The following RP1L1 variants were observed in gnomAD, a reference collection of about 807,000 sequenced individuals.
RP1L1 encodes retinitis pigmentosa 1-like 1 protein.
In RP1L1, 27 loss-of-function variants were observed where a neutral mutation model predicts 15.7. The observed-to-expected ratio is 1.72, with a 90% CI of 1.27 to 2.38. The LOEUF is 2.38. Among genes scored for constraint, RP1L1 ranks in the 30% most tolerant of loss-of-function variants. RP1L1 has a pLI of 0.00. For synonymous variants in RP1L1, 1,813 were observed against 1,276.7 expected, an observed-to-expected ratio of 1.42 and a Z score of -8.96; for missense variants, 4,798 against 3,075.9, an observed-to-expected ratio of 1.56 and a Z score of -13.24.
intron 1 of RP1L1, among the ~76,000 whole-genome samples, chr8:10,625,956 T>A (rs1480032806): frequency 1.3e-5 from 2 of 149,808 alleles, no homozygotes; most frequent in Non-Finnish European, 3.0e-5. Context: ...GCCGGGGATT[T>A]TGGGAGGAAG....
At chr8:10,653,616 T>A (rs1798595054) in intron 1 of RP1L1, among the ~76,000 whole-genome samples, 1 of 150,974 alleles carries the variant, frequency 6.6e-6, no homozygotes, top group South Asian at 2.1e-4. Flanking sequence ...CACACGCACC[T>A]GTACAAACAT....
Position 10,610,969 on chromosome 8 carries a change from G to A in RP1L1, c.3129C>T (p.Pro1043=). 4 of 1,612,318 alleles carry A rather than the reference G, an allele frequency of 2.5e-6. No individual in the cohort carries two copies. Among genetic ancestry groups the A allele is most frequent in the East Asian group, 4.5e-5 (2 of 44,844 alleles). The change falls in exon 4 of 4, where the codon CCC becomes CCT. Residue 1043 remains proline, a synonymous_variant. Transcript: ENST00000382483. The part of the protein sequence containing the change: ...DTGPQSGEGV[P]QGAAPEGVSE... ...AAACTCCCTCTGGAGCTGCCCCTTG[G>A]GGGACACCCTCTCCTGATTGGGGAC...
chr8:10,652,670 GA>G (rs1187088621), intron 1 of RP1L1, among the ~76,000 whole-genome samples: 88 of 144,470 alleles, frequency 6.1e-4, no homozygotes, highest in East Asian at 2.4e-3. Flanking sequence ...CTGTATTGAA[GA>G]AAAAAAAAAA....
rs1346389036 is a variant in RP1L1, at chr8:10,607,038, C to T, written c.7060G>A (p.Glu2354Lys). The T allele has an allele frequency of 1.2e-6, 2 of 1,614,124 alleles. No homozygotes were observed. The highest frequency in any genetic ancestry group is 1.7e-6 in the Non-Finnish European group (2 of 1,180,050). Residue 2354 changes from glutamate to lysine, a missense_variant, in exon 4 of 4, where the codon GAG (glutamate) becomes AAG (lysine). Coordinates refer to ENST00000382483, the MANE Select transcript of RP1L1 (RefSeq NM_178857.6). Reference sequence around the variant, plus strand: ...GGAGTCCTTGAGCCCAAAGGGGCCTCTTCTTGCTCAGAAGTAGAACTTTCT... The same window carrying T: ...GGAGTCCTTGAGCCCAAAGGGGCCTTTTCTTGCTCAGAAGTAGAACTTTCT... ...YPESSTSEQE[E>K]APLGSRTPEQ...
intron 1 of RP1L1, among the ~76,000 whole-genome samples, chr8:10,652,131 T>C (rs938247962): frequency 6.6e-6 from 1 of 152,182 alleles, no homozygotes; most frequent in African/African-American, 2.4e-5. Context: ...AAGTATACTC[T>C]ATGATCGCAT....
rs866294200 is a variant in RP1L1, at chr8:10,621,882, C to G, written c.609+711G>C. 27 of 424,160 alleles carry G rather than the reference C, an allele frequency of 6.4e-5. No homozygotes were observed. The Middle Eastern group carries it at 3.7e-3, about 57-fold the overall frequency. The allele number at this position is 424,160 out of a possible 1,614,324, so 26.3% of individuals were successfully genotyped here. ...ATGCTGGGAGCCATTCCTGCAGACC[C>G]AGCTTCCAATTCACTCTCTGGCTTC... On this transcript the variant is annotated intron_variant, in intron 2 of 3. Coordinates refer to ENST00000382483, the MANE Select transcript of RP1L1 (RefSeq NM_178857.6).
chr8:10,633,433 C>A (rs1006566123), intron 1 of RP1L1, among the ~76,000 whole-genome samples: 4 of 152,098 alleles, frequency 2.6e-5, no homozygotes, highest in African/African-American at 9.7e-5. Context: ...TGTAATAAGC[C>A]CAAACCCCAA....
chr8:10,634,267 A>G (rs1798297273), intron 1 of RP1L1, among the ~76,000 whole-genome samples: 1 of 152,156 alleles, frequency 6.6e-6, no homozygotes, highest in Non-Finnish European at 1.5e-5. Flanking sequence ...CCTCTTCTGC[A>G]AACAGTTCTG....
rs779037412 is a variant in RP1L1, at chr8:10,612,699, G to A, written c.1399C>T (p.Pro467Ser). 1.9e-6 allele frequency: 3 copies of A among 1,603,720 alleles called. No homozygotes were observed. Among genetic ancestry groups the A allele is most frequent in the Non-Finnish European group, 2.5e-6 (3 of 1,178,490 alleles). Residue 467 changes from proline to serine, a missense_variant, in exon 4 of 4, where the codon CCA becomes TCA. Coordinates refer to ENST00000382483, the MANE Select transcript of RP1L1 (RefSeq NM_178857.6). ...SSTGLPEGSE[P>S]ESSCCPRTPE... ...GTCCTGGGGCAGCAGGAGGACTCTGGCTCCGAGCCCTCGGGGAGGCCGGTG... is the reference window on the plus strand; with the variant it reads ...GTCCTGGGGCAGCAGGAGGACTCTGACTCCGAGCCCTCGGGGAGGCCGGTG...
intron 1 of RP1L1, among the ~76,000 whole-genome samples, chr8:10,651,712 A>G (rs1475752732): frequency 1.3e-5 from 2 of 149,660 alleles, no homozygotes; most frequent in Non-Finnish European, 3.0e-5. Context: ...AGCCGAGATC[A>G]CGCCTCTGCA....
Position 10,606,397 on chromosome 8 carries a change from T to C in RP1L1, c.*498A>G, listed in dbSNP as rs779467225. On this transcript the variant is annotated 3_prime_UTR_variant, in exon 4 of 4. Transcript: ENST00000382483. ...TCCAATGACTCTGAAGTTACCTGCTTTGCCCAAGTATTTCTGCAGAGTCAT... is the reference window on the plus strand; with the variant it reads ...TCCAATGACTCTGAAGTTACCTGCTCTGCCCAAGTATTTCTGCAGAGTCAT... 6.4e-6 allele frequency: 1 copy of C among 155,164 alleles called. No homozygotes were observed. The highest frequency in any genetic ancestry group is 1.4e-5 in the Non-Finnish European group (1 of 69,990). The allele number at this position is 155,164 out of a possible 1,614,324, so 9.6% of individuals were successfully genotyped here.
intron 2 of RP1L1, chr8:10,621,488 G>C (rs752403084): frequency 6.3e-6 from 2 of 319,788 alleles, no homozygotes; most frequent in Non-Finnish European, 1.2e-5. Context: ...AACACACCTG[G>C]CTAATTTTTG....
rs181134421 is a variant in RP1L1 at position 10,619,875 on chromosome 8, C to T, written c.609+2718G>A. ...CTCGGGGAGGCTGAGGCAGAAGAAT[C>T]GCTTGAACCTAGGGGGCAGAGGTTG... On this transcript the variant is annotated intron_variant, in intron 2 of 3. Coordinates refer to ENST00000382483, the MANE Select transcript of RP1L1 (RefSeq NM_178857.6). Among the ~76,000 whole-genome samples, 1,219 of 150,234 alleles carry T rather than the reference C, an allele frequency of 8.1e-3. 9 individuals are homozygous for T. The highest frequency in any genetic ancestry group is 0.013 in the Non-Finnish European group (902 of 67,754).
At position 10,606,997 on chromosome 8, in the gene RP1L1, ACTGGCCCC is replaced by A. The variant is rs1258298144; in HGVS notation, c.7093_7100del (p.Gly2365Ter). The A allele has an allele frequency of 6.2e-7, 1 of 1,614,164 alleles. No individual in the cohort carries two copies. Among genetic ancestry groups the A allele is most frequent in the Admixed American group, 1.7e-5 (1 of 60,030 alleles). On this transcript the variant is annotated frameshift_variant, in exon 4 of 4. Transcript: ENST00000382483. LOFTEE classifies it low-confidence loss of function (END_TRUNC). ...GGTCCTCTTGTAGGTCATAACCTTC[ACTGGCCCC>A]CTGCTCTGGAGTCCTTGAGCCCAAA... is the stretch of plus-strand genomic sequence containing the variant.
At position 10,612,328 on chromosome 8, in the gene RP1L1, C is replaced by G; in HGVS notation, c.1770G>C (p.Gln590His). ...CGGTGCCCTGTCCTTGCGTCTCTGC[C>G]TGCAGGTCGTCACTCCTTAAAGATG... ...SLSSLRSDDL[Q>H]AETQGQGTEQ... The change falls in exon 4 of 4, where the codon CAG becomes CAC. Residue 590 changes from glutamine to histidine, a missense_variant. Coordinates refer to ENST00000382483, the MANE Select transcript of RP1L1 (RefSeq NM_178857.6). 6.2e-7 allele frequency: 1 copy of G among 1,613,260 alleles called. No homozygotes were observed. The highest frequency in any genetic ancestry group is 2.2e-5 in the East Asian group (1 of 44,876).
chr8:10,631,242 C>A (rs1287883429), intron 1 of RP1L1, among the ~76,000 whole-genome samples: 1 of 151,690 alleles, frequency 6.6e-6, no homozygotes, highest in African/African-American at 2.4e-5. Flanking sequence ...CACGTACACA[C>A]ATGCACACAT....
Position 10,609,383 on chromosome 8 carries a change from G to A in RP1L1, c.4715C>T (p.Thr1572Ile), listed in dbSNP as rs770732016. The A allele has an allele frequency of 6.8e-6, 11 of 1,612,476 alleles. No individual in the cohort carries two copies. Among genetic ancestry groups the A allele is most frequent in the Non-Finnish European group, 9.3e-6 (11 of 1,179,916 alleles). ...CTGGAGCTTCTGGAGCTCTCTCTTG[G>A]TGCTGTCCTGGAGGCGTTGGGCCAC... is the stretch of plus-strand genomic sequence containing the variant. Reference protein sequence around the residue: ...QDVAQRLQDSTKRELQKLQGR... With the variant: ...QDVAQRLQDSIKRELQKLQGR... Residue 1572 changes from threonine to isoleucine, a missense_variant, in exon 4 of 4, where the codon ACC becomes ATC. Coordinates refer to ENST00000382483, the MANE Select transcript of RP1L1 (RefSeq NM_178857.6).
intron 1 of RP1L1, among the ~76,000 whole-genome samples, chr8:10,647,742 T>C (rs989928317): frequency 2.0e-5 from 3 of 152,250 alleles, no homozygotes; most frequent in African/African-American, 4.8e-5. Context: ...CATTCACTTA[T>C]TGATGAATCC....
chr8:10,613,199 G>A lies in RP1L1; in HGVS notation c.899C>T (p.Ser300Leu), dbSNP rs200642524. 480 of 1,613,556 alleles carry A rather than the reference G, an allele frequency of 3.0e-4. No individual in the cohort carries two copies. In the African/African-American group the frequency reaches 5.5e-3, roughly 18 times the overall value. The change falls in exon 4 of 4, where the codon TCG becomes TTG. Residue 300 changes from serine (S) to leucine (L), a missense_variant. Transcript: ENST00000382483. Reference sequence around the variant, plus strand: ...GTCATCGCCAGCCACCAGCGGGCCCGACTGAGCTGGCGTGTCCTGAGGGTG... The same window carrying A: ...GTCATCGCCAGCCACCAGCGGGCCCAACTGAGCTGGCGTGTCCTGAGGGTG... ...GRHPQDTPAQ[S>L]GPLVAGDDMK...
Sources: allele counts gnomAD v4.1 joint callset (sites outside exome capture counted in the v4.1 genomes callset), GRCh38; gene constraint gnomAD v4.1.1; transcripts MANE v1.5; gene names NCBI Gene and HGNC (gene_info 2026-07-23, HGNC 2026-07-21).